Variants in ZCCHC7 observed in about 807,000 individuals in gnomAD.
The protein encoded by ZCCHC7 is zinc finger CCHC-type containing 7.
A neutral mutation model predicts 52.0 loss-of-function variants in ZCCHC7; 35 were observed. The ratio of observed to expected loss-of-function variants is 0.67; its 90% CI spans 0.51 to 0.89. The LOEUF (loss-of-function observed/expected upper bound fraction) is 0.89, where lower values mean the gene tolerates loss of function less well. Among genes scored for constraint, ZCCHC7 ranks in the 40% least tolerant of loss-of-function variants. The pLI, the probability that ZCCHC7 is intolerant of heterozygous loss-of-function variation, is 0.00. For missense variants in ZCCHC7, 574 were observed against 649.1 expected (o/e 0.88, Z 1.26); for synonymous variants, 217 against 221.5 (o/e 0.98, Z 0.18).
chr9:37,357,351 T>G lies in ZCCHC7; in HGVS notation c.*83T>G. 7.6e-7 allele frequency: 1 copy of G among 1,310,386 alleles called. No individual in the cohort carries two copies. Among genetic ancestry groups the G allele is most frequent in the South Asian group, 1.7e-5 (1 of 59,750 alleles). The allele number at this position is 1,310,386 out of a possible 1,614,324, so 81.2% of individuals were successfully genotyped here. Reference sequence around the variant, plus strand: ...ACCTTCTGGCACTGTGTTTATTATCTATGATTAAATAAAGTGAGTTTTTGG... The same window carrying G: ...ACCTTCTGGCACTGTGTTTATTATCGATGATTAAATAAAGTGAGTTTTTGG... On this transcript the variant is annotated 3_prime_UTR_variant, in exon 9 of 9. Transcript: ENST00000336755.
intron 1 of ZCCHC7, 38 bp downstream of exon 1, chr9:37,120,661 T>G (rs1564123878): frequency 1.0e-5 from 4 of 388,758 alleles, no homozygotes; most frequent in Non-Finnish European, 1.8e-5. Context: ...CGCCCGCGGC[T>G]CGGGACCCCT....
At chr9:37,282,604 CAAAAAA>C (rs60743608) in intron 2 of ZCCHC7, among the ~76,000 whole-genome samples, 68 of 52,510 alleles carry the variant, frequency 1.3e-3, no homozygotes, top group African/African-American at 5.3e-3. Flanking sequence ...GACTCTGTCT[CAAAAAA>C]AAAAAAAAAA....
At chr9:37,171,657 C>T (rs1180032729) in intron 2 of ZCCHC7, among the ~76,000 whole-genome samples, 2 of 152,096 alleles carry the variant, frequency 1.3e-5, no homozygotes, top group South Asian at 2.1e-4. Context: ...TAGGCTCAGG[C>T]AATCCTCCCT....
intron 4 of ZCCHC7, among the ~76,000 whole-genome samples, chr9:37,304,582 G>A (rs888951286): frequency 3.9e-5 from 6 of 151,972 alleles, no homozygotes; most frequent in African/African-American, 1.2e-4. Context: ...GTGTGAACCC[G>A]GGAGATGGAG....
chr9:37,289,243 G>A (rs1025458076), intron 2 of ZCCHC7, among the ~76,000 whole-genome samples: 4 of 151,168 alleles, frequency 2.6e-5, no homozygotes, highest in African/African-American at 9.7e-5. Context: ...TCTGCCTCCC[G>A]GGTTCAAGCA....
chr9:37,304,240 C>T lies in ZCCHC7; in HGVS notation c.707C>T (p.Ser236Leu), dbSNP rs1829188257. The T allele has an allele frequency of 6.2e-7, 1 of 1,613,690 alleles. No homozygotes were observed. The highest frequency in any genetic ancestry group is 1.7e-5 in the Admixed American group (1 of 59,984). The change falls in exon 4 of 9, where the codon TCA (serine) becomes TTA (leucine). Residue 236 changes from serine to leucine, a missense_variant. Coordinates refer to ENST00000336755, the MANE Select transcript of ZCCHC7 (RefSeq NM_032226.3). ...TPGRWTQRYY[S>L]ANKNIICRNC... ...GGAAGATGGACCCAGCGGTACTATT[C>T]AGCCAACAAAAACATTATCTGTAGA...
At chr9:37,269,618 C>CA (rs1170865355) in intron 2 of ZCCHC7, among the ~76,000 whole-genome samples, 2,668 of 27,098 alleles carry the variant, frequency 0.098, 684 homozygotes, top group Non-Finnish European at 0.13. Flanking sequence ...GACTCTGTCT[C>CA]AAAAAAAAAA....
At chr9:37,254,708 T>G (rs138069177) in intron 2 of ZCCHC7, among the ~76,000 whole-genome samples, 75 of 152,152 alleles carry the variant, frequency 4.9e-4, no homozygotes, top group African/African-American at 1.8e-3. Flanking sequence ...GAGTATTCCT[T>G]ATCCAAAATG....
intron 2 of ZCCHC7, among the ~76,000 whole-genome samples, chr9:37,151,538 C>T (rs1194403250): frequency 1.3e-5 from 2 of 152,100 alleles, no homozygotes; most frequent in East Asian, 3.9e-4. Flanking sequence ...GGTGTGGTGG[C>T]TCACGCCTGT....
At position 37,358,100 on chromosome 9, in the gene ZCCHC7, T is replaced by G. The variant is rs1396749199; in HGVS notation, c.*832T>G. On this transcript the variant is annotated 3_prime_UTR_variant, in exon 9 of 9. Coordinates refer to ENST00000336755, the MANE Select transcript of ZCCHC7 (RefSeq NM_032226.3). Reference sequence around the variant, plus strand: ...TTTTGTACTTGTGGATCTTTTGTACTTCTCATAACCTAATGTCAGACTAAG... The same window carrying G: ...TTTTGTACTTGTGGATCTTTTGTACGTCTCATAACCTAATGTCAGACTAAG... 1 of 152,260 alleles carries G rather than the reference T, an allele frequency of 6.6e-6. No homozygotes were observed. The highest frequency in any genetic ancestry group is 6.5e-5 in the Admixed American group (1 of 15,286). The allele number at this position is 152,260 out of a possible 1,614,324, so 9.4% of individuals were successfully genotyped here.
At chr9:37,175,183 T>G (rs189458840) in intron 2 of ZCCHC7, among the ~76,000 whole-genome samples, 1 of 152,198 alleles carries the variant, frequency 6.6e-6, no homozygotes, top group Admixed American at 6.5e-5. Flanking sequence ...TGATACAGCC[T>G]GTTTTTCTTA....
intron 2 of ZCCHC7, among the ~76,000 whole-genome samples, chr9:37,255,506 A>T (rs1826544428): frequency 6.6e-6 from 1 of 152,076 alleles, no homozygotes. Context: ...GCAGTTTAAA[A>T]CTTAAGAATT....
chr9:37,273,026 G>A (rs1437406659), intron 2 of ZCCHC7, among the ~76,000 whole-genome samples: 4 of 152,164 alleles, frequency 2.6e-5, no homozygotes, highest in African/African-American at 9.7e-5. Flanking sequence ...GTAGAGCAGG[G>A]GTTGGCAAAC....
At chr9:37,310,571 G>GTTAA (rs1466282971) in intron 5 of ZCCHC7, among the ~76,000 whole-genome samples, 1 of 152,090 alleles carries the variant, frequency 6.6e-6, no homozygotes. Flanking sequence ...ACATTACAAG[G>GTTAA]TTAATAAGTC....
At chr9:37,312,576 G>A (rs113568842) in intron 5 of ZCCHC7, among the ~76,000 whole-genome samples, 4 of 152,200 alleles carry the variant, frequency 2.6e-5, no homozygotes, top group African/African-American at 4.8e-5. Flanking sequence ...CCAAGTAACT[G>A]TGTCTTTTTA....
intron 6 of ZCCHC7, among the ~76,000 whole-genome samples, chr9:37,338,849 A>T (rs1830802197): frequency 6.6e-6 from 1 of 152,128 alleles, no homozygotes; most frequent in Non-Finnish European, 1.5e-5. Context: ...GATGTGCTGT[A>T]CATTTTTTCA....
At chr9:37,328,995 G>A (rs1277648065) in intron 6 of ZCCHC7, among the ~76,000 whole-genome samples, 1 of 151,776 alleles carries the variant, frequency 6.6e-6, no homozygotes, top group Non-Finnish European at 1.5e-5. Flanking sequence ...TATTACAAAT[G>A]TAATTCATCT....
intron 2 of ZCCHC7, among the ~76,000 whole-genome samples, chr9:37,299,307 G>A (rs191187599): frequency 6.6e-6 from 1 of 152,262 alleles, no homozygotes; most frequent in Non-Finnish European, 1.5e-5. Flanking sequence ...TTTAATTCAG[G>A]TAAATTACAC....
chr9:37,221,496 A>G (rs1824808489), intron 2 of ZCCHC7, among the ~76,000 whole-genome samples: 1 of 152,252 alleles, frequency 6.6e-6, no homozygotes, highest in Non-Finnish European at 1.5e-5. Context: ...AGGCAAGGAT[A>G]GTATGTAGAG....
Sources: allele counts gnomAD v4.1 joint callset (sites outside exome capture counted in the v4.1 genomes callset), GRCh38; gene constraint gnomAD v4.1.1; transcripts MANE v1.5; gene names NCBI Gene and HGNC (gene_info 2026-07-23, HGNC 2026-07-21).